Variants in SLC25A20 observed in about 807,000 individuals in gnomAD.
The protein encoded by SLC25A20 is mitochondrial carnitine/acylcarnitine carrier protein.
Under a neutral mutation model 39.7 loss-of-function variants are expected in SLC25A20, and 29 were observed. The observed-to-expected ratio is 0.73, with a 90% CI of 0.54 to 1.00. The LOEUF (loss-of-function observed/expected upper bound fraction) is 1.00, where lower values mean the gene tolerates loss of function less well. Among genes scored for constraint, SLC25A20 ranks in the 50% least tolerant of loss-of-function variants. The pLI is 0.00. For synonymous variants in SLC25A20, 103 were observed against 142.2 expected (o/e 0.72, Z 1.96); for missense variants, 333 against 379.9 (o/e 0.88, Z 1.03).
At chr3:48,863,822 C>A (rs2083644774) in intron 4 of SLC25A20, among the ~76,000 whole-genome samples, 1 of 150,510 alleles carries the variant, frequency 6.6e-6, no homozygotes, top group Non-Finnish European at 1.5e-5. Context: ...TGAGACCAGC[C>A]TGACCAACAT....
chr3:48,860,730 G>A (rs539379859), intron 5 of SLC25A20, among the ~76,000 whole-genome samples: 2 of 151,396 alleles, frequency 1.3e-5, no homozygotes, highest in South Asian at 4.2e-4. Flanking sequence ...GGAGGTTGCA[G>A]TAAGCCAAGA....
chr3:48,867,645 C>A (rs1254306392), intron 4 of SLC25A20, among the ~76,000 whole-genome samples: 1 of 149,688 alleles, frequency 6.7e-6, no homozygotes, highest in Non-Finnish European at 1.5e-5. Context: ...AAACTGATGT[C>A]AGTGGCTGAG....
chr3:48,862,066 G>C (rs895253456), intron 5 of SLC25A20, among the ~76,000 whole-genome samples: 1 of 152,030 alleles, frequency 6.6e-6, no homozygotes, highest in Non-Finnish European at 1.5e-5. Flanking sequence ...AATAAATAAG[G>C]TTTTCTCTCA....
chr3:48,871,783 A>G (rs1188470087), intron 4 of SLC25A20, among the ~76,000 whole-genome samples: 2 of 151,324 alleles, frequency 1.3e-5, no homozygotes, highest in Non-Finnish European at 2.9e-5. Flanking sequence ...AAAAAAAAAA[A>G]AAAGAGAGAG....
intron 2 of SLC25A20, among the ~76,000 whole-genome samples, chr3:48,885,794 C>G (rs964260524): frequency 1.3e-5 from 2 of 151,946 alleles, no homozygotes; most frequent in Non-Finnish European, 2.9e-5. Flanking sequence ...CAGCAAAATT[C>G]CATCTCAAAA....
chr3:48,859,772 A>G (rs929751796), intron 5 of SLC25A20, 145 bp from the exon 6 acceptor site: 4 of 681,402 alleles, frequency 5.9e-6, no homozygotes, highest in African/African-American at 5.4e-5. Flanking sequence ...CTGAATTATT[A>G]GTAAAATTGT....
Position 48,886,165 on chromosome 3 carries a change from C to T in SLC25A20, c.199-2041G>A, listed in dbSNP as rs190305693. The stretch of plus-strand genomic sequence containing the variant: ...AGGGCAGAAGGAGGGGATAGGGAGA[C>T]TAAGAGCTAAAATATAAAATAATGT... On this transcript the variant is annotated intron_variant, in intron 2 of 8. Coordinates refer to ENST00000319017, the MANE Select transcript of SLC25A20 (RefSeq NM_000387.6). 7.9e-5 allele frequency among the ~76,000 whole-genome samples: 12 copies of T among 152,030 alleles called. No homozygotes were observed. The East Asian group carries it at 1.9e-3, about 24-fold the overall frequency.
Position 48,892,017 on chromosome 3 carries a change from C to T in SLC25A20, c.161G>A (p.Gly54Glu). 6.2e-7 allele frequency: 1 copy of T among 1,614,010 alleles called. No homozygotes were observed. The highest frequency in any genetic ancestry group is 8.5e-7 in the Non-Finnish European group (1 of 1,179,946). The change falls in exon 2 of 9, where the codon GGG becomes GAG. Residue 54 changes from glycine (G) to glutamate (E), a missense_variant. Transcript: ENST00000319017. ...SLPGQPPMYSGTFDCFRKTLF... is the reference protein window; with the variant it reads ...SLPGQPPMYSETFDCFRKTLF... ...AGTCTTCCGGAAACAGTCAAAGGTC[C>T]CAGAGTACATGGGAGGTTGTCCAGG...
rs369782564 is a variant in SLC25A20 at position 48,862,511 on chromosome 3, G to A, written c.535+31C>T. ...AGACCCACCTCAGGTGACCTCCCCA[G>A]GTGACCTCAAGTGGAGGCCTGAAAG... On this transcript the variant is annotated intron_variant, in intron 5 of 8. Coordinates refer to ENST00000319017, the MANE Select transcript of SLC25A20 (RefSeq NM_000387.6). 68 of 1,452,094 alleles carry A rather than the reference G, an allele frequency of 4.7e-5. No individual in the cohort carries two copies. In the African/African-American group the frequency reaches 9.1e-4, roughly 19 times the overall value. 90.0% of individuals were successfully genotyped at this position (1,452,094 alleles called of 1,614,324 possible). A position where few individuals can be genotyped will look rare whatever the true frequency, so the allele number is the denominator to read the frequency against.
chr3:48,857,840 A>G, intron 8 of SLC25A20, 68 bp from the exon 9 acceptor site: 4 of 1,432,418 alleles, frequency 2.8e-6, no homozygotes, highest in South Asian at 1.2e-5. Context: ...TCAAAGCACT[A>G]TGCTTTGCTG....
chr3:48,868,187 C>T (rs564108089), intron 4 of SLC25A20, among the ~76,000 whole-genome samples: 3 of 151,850 alleles, frequency 2.0e-5, no homozygotes, highest in East Asian at 3.9e-4. Context: ...CAGAAACCAG[C>T]TCATCCACTG....
intron 2 of SLC25A20, among the ~76,000 whole-genome samples, chr3:48,890,184 G>T (rs2083862772): frequency 6.6e-6 from 1 of 152,086 alleles, no homozygotes; most frequent in Non-Finnish European, 1.5e-5. Flanking sequence ...CCACTTTCAT[G>T]TTCCTCCCAT....
intron 4 of SLC25A20, among the ~76,000 whole-genome samples, chr3:48,875,664 C>T (rs577026730): frequency 6.6e-6 from 1 of 152,242 alleles, no homozygotes; most frequent in South Asian, 2.1e-4. Flanking sequence ...CCTGCCTTGG[C>T]CTCACAAACT....
intron 4 of SLC25A20, among the ~76,000 whole-genome samples, chr3:48,864,319 G>C (rs1433113124): frequency 9.0e-6 from 1 of 110,544 alleles, no homozygotes; most frequent in East Asian, 3.2e-4. Flanking sequence ...CTGCACTCCA[G>C]CCTGGGTGAC....
At chr3:48,879,282 G>T in intron 4 of SLC25A20, 76 bp downstream of exon 4, 2 of 1,113,602 alleles carry the variant, frequency 1.8e-6, no homozygotes, top group Non-Finnish European at 2.8e-6. Context: ...TTTATTAAGG[G>T]TGAAAGGACA....
intron 4 of SLC25A20, among the ~76,000 whole-genome samples, chr3:48,878,273 A>AATAT (rs201286551): frequency 1.0e-4 from 13 of 127,668 alleles, no homozygotes; most frequent in Non-Finnish European, 1.8e-4. Flanking sequence ...AAAAAAAAAA[A>AATAT]ATATATATAT....
intron 4 of SLC25A20, among the ~76,000 whole-genome samples, chr3:48,872,719 TG>T (rs1225568981): frequency 6.7e-6 from 1 of 150,000 alleles, no homozygotes; most frequent in Non-Finnish European, 1.5e-5. Flanking sequence ...TTTAATTAGC[TG>T]TTTTTGGTGG....
chr3:48,859,064 C>T, intron 7 of SLC25A20, 28 bp downstream of exon 7: 1 of 1,586,394 alleles, frequency 6.3e-7, no homozygotes, highest in Non-Finnish European at 8.7e-7. Context: ...CCACTCTCCC[C>T]CTGTCCACCC....
intron 4 of SLC25A20, among the ~76,000 whole-genome samples, chr3:48,875,389 C>T (rs749427310): frequency 4.7e-4 from 71 of 151,836 alleles, no homozygotes; most frequent in Non-Finnish European, 7.8e-4. Flanking sequence ...CGTGAGCCAC[C>T]GCACCCAGCC....
Sources: allele counts gnomAD v4.1 joint callset (sites outside exome capture counted in the v4.1 genomes callset), GRCh38; gene constraint gnomAD v4.1.1; transcripts MANE v1.5; gene names NCBI Gene and HGNC (gene_info 2026-07-23, HGNC 2026-07-21).